Variants in CHD1 observed in about 807,000 individuals in gnomAD.
CHD1 encodes the protein ATP-dependent chromatin remodeler CHD1.
CHD1 carries 36 observed loss-of-function variants against 224.2 expected under a neutral mutation model. The ratio of observed to expected loss-of-function variants is 0.16; its 90% CI spans 0.12 to 0.21. The LOEUF is 0.21. Among genes scored for constraint, CHD1 ranks in the 10% least tolerant of loss-of-function variants. The probability of loss-of-function intolerance (pLI) is 1.00; values close to 1 mark genes in which losing one functional copy is unlikely to be tolerated. For synonymous variants in CHD1, 668 were observed against 658.3 expected (o/e 1.01, Z -0.23); for missense variants, 1,378 against 1,994.8 (o/e 0.69, Z 5.89).
chr5:98,874,521 G>T (rs1055875478), intron 25 of CHD1, among the ~76,000 whole-genome samples: 2 of 137,144 alleles, frequency 1.5e-5, no homozygotes, highest in African/African-American at 5.6e-5. Flanking sequence ...CCAATATGGT[G>T]AAACCCCGTC....
intron 33 of CHD1, 108 bp from the exon 34 acceptor site, chr5:98,859,123 A>T (rs952405485): frequency 1.3e-6 from 1 of 795,176 alleles, no homozygotes; most frequent in Non-Finnish European, 2.0e-6. Flanking sequence ...CACACAAGAT[A>T]TTAGAATGTT....
rs1401470155 is a variant in CHD1 at position 98,869,618 on chromosome 5, G to GCACACACA, written c.4107+135_4107+136insTGTGTGTG. 1.9e-4 allele frequency: 150 copies of GCACACACA among 796,034 alleles called. No homozygotes were observed. In the African/African-American group the frequency reaches 3.2e-3, roughly 17 times the overall value. The allele number at this position is 796,034 out of a possible 1,614,324, so 49.3% of individuals were successfully genotyped here. A position where few individuals can be genotyped will look rare whatever the true frequency, so the allele number is the denominator to read the frequency against. ...GAACTATAAGTGCGTGCGCACGTGC[G>GCACACACA]CGCGCACACACACACACACACACAC... On this transcript the variant is annotated intron_variant, in intron 30 of 35. Coordinates refer to ENST00000614616, the MANE Select transcript of CHD1 (RefSeq NM_001270.4).
intron 1 of CHD1, among the ~76,000 whole-genome samples, chr5:98,926,961 C>T (rs575758825): frequency 1.1e-4 from 17 of 150,000 alleles, no homozygotes; most frequent in African/African-American, 4.1e-4. Context: ...CAAGCCCTCA[C>T]TCCTATCACC....
At chr5:98,873,316 T>TATATCTATGA (rs1419114600) in intron 26 of CHD1, among the ~76,000 whole-genome samples, 1 of 152,190 alleles carries the variant, frequency 6.6e-6, no homozygotes, top group African/African-American at 2.4e-5. Flanking sequence ...TATATACACA[T>TATATCTATGA]ATATCTATGA....
intron 2 of CHD1, among the ~76,000 whole-genome samples, chr5:98,918,564 TC>T (rs1326683645): frequency 6.7e-6 from 1 of 150,202 alleles, no homozygotes; most frequent in Non-Finnish European, 1.5e-5. Context: ...GGTCAGGAGA[TC>T]GAGACTATCC....
Position 98,901,049 on chromosome 5 carries a change from T to C in CHD1, c.621A>G (p.Gly207=), listed in dbSNP as rs1751669723. The part of the protein sequence containing the change: ...SKSKNGKKIL[G]QKKRQIDSSE... ...ATGAATCAATCTGTCTCTTTTTTTG[T>C]CCAAGAATCTTCTTTCCATTTTTTG... Residue 207 remains glycine (G), a synonymous_variant, in exon 7 of 36, where the codon GGA becomes GGG. Coordinates refer to ENST00000614616, the MANE Select transcript of CHD1 (RefSeq NM_001270.4). The C allele has an allele frequency of 4.4e-6, 7 of 1,601,244 alleles. No individual in the cohort carries two copies. In the South Asian group the frequency reaches 5.7e-5, roughly 13 times the overall value.
chr5:98,888,708 A>C (rs1750813010), intron 16 of CHD1, among the ~76,000 whole-genome samples: 2 of 152,236 alleles, frequency 1.3e-5, no homozygotes, highest in African/African-American at 4.8e-5. Flanking sequence ...CAGAAGTACC[A>C]GGAAGGGTTA....
chr5:98,866,037 G>C (rs1288067283), intron 31 of CHD1, among the ~76,000 whole-genome samples: 1 of 152,110 alleles, frequency 6.6e-6, no homozygotes, highest in Non-Finnish European at 1.5e-5. Context: ...CCAGTGAAAA[G>C]TTTAATGTTT....
At chr5:98,865,699 G>A (rs980598875) in intron 31 of CHD1, among the ~76,000 whole-genome samples, 2 of 152,162 alleles carry the variant, frequency 1.3e-5, no homozygotes, top group Non-Finnish European at 2.9e-5. Flanking sequence ...ACCTAGAAAA[G>A]GCCATTGAAT....
rs549889479 is a variant in CHD1, at chr5:98,855,324, AC to A, written c.*1055del. On this transcript the variant is annotated 3_prime_UTR_variant, in exon 36 of 36. Transcript: ENST00000614616. ...TAAAATGTTAACCTGGCTGCATAGCACATTTGACATTATTGCCCACATAAAA... is the reference window on the plus strand; with the variant it reads ...TAAAATGTTAACCTGGCTGCATAGCAATTTGACATTATTGCCCACATAAAA... 1.3e-3 allele frequency: 202 copies of A among 152,744 alleles called. No individual in the cohort carries two copies. The highest frequency in any genetic ancestry group is 4.8e-3 in the African/African-American group (199 of 41,564). The allele number at this position is 152,744 out of a possible 1,614,324, so 9.5% of individuals were successfully genotyped here.
intron 22 of CHD1, 25 bp from the exon 23 acceptor site, chr5:98,879,753 G>C (rs756553487): frequency 6.6e-7 from 1 of 1,511,714 alleles, no homozygotes; most frequent in Non-Finnish European, 8.9e-7. Context: ...AATTTTAAGA[G>C]TAACTGTTAC....
intron 15 of CHD1, among the ~76,000 whole-genome samples, chr5:98,889,564 G>GTTTT (rs1750875523): frequency 6.9e-6 from 1 of 144,362 alleles, no homozygotes; most frequent in Non-Finnish European, 1.5e-5. Flanking sequence ...TACTGCATTA[G>GTTTT]ACAGCTAATG....
chr5:98,869,629 C>CAT (rs1451893788), intron 30 of CHD1, 125 bp downstream of exon 30: 2 of 685,226 alleles, frequency 2.9e-6, no homozygotes, highest in Non-Finnish European at 4.6e-6. Flanking sequence ...CGCGCACACA[C>CAT]ACACACACAC....
chr5:98,883,685 G>C (rs983439846), intron 18 of CHD1, among the ~76,000 whole-genome samples: 1 of 151,454 alleles, frequency 6.6e-6, no homozygotes. Flanking sequence ...ATTTGCAACT[G>C]CAACAATGTG....
At chr5:98,916,566 A>T (rs1281913963) in intron 2 of CHD1, among the ~76,000 whole-genome samples, 1 of 151,612 alleles carries the variant, frequency 6.6e-6, no homozygotes, top group Non-Finnish European at 1.5e-5. Flanking sequence ...AAAAAAAAAA[A>T]AAAAGGTTTA....
intron 32 of CHD1, among the ~76,000 whole-genome samples, chr5:98,862,862 T>C (rs910446836): frequency 4.6e-4 from 70 of 152,310 alleles, no homozygotes; most frequent in African/African-American, 1.6e-3. Flanking sequence ...ATGTAAAAGA[T>C]AGAAGCCAAG....
intron 22 of CHD1, among the ~76,000 whole-genome samples, chr5:98,880,259 C>T (rs551996437): frequency 6.6e-6 from 1 of 152,152 alleles, no homozygotes; most frequent in Non-Finnish European, 1.5e-5. Flanking sequence ...CTATCACAGC[C>T]GGGCGAAGTG....
chr5:98,915,304 G>A (rs956762980), intron 2 of CHD1, among the ~76,000 whole-genome samples: 2 of 152,112 alleles, frequency 1.3e-5, no homozygotes, highest in African/African-American at 4.8e-5. Context: ...ATCAATCCAA[G>A]ACAAAACTGT....
intron 6 of CHD1, 24 bp from the exon 7 acceptor site, chr5:98,901,106 A>G: frequency 2.6e-6 from 4 of 1,566,718 alleles, no homozygotes; most frequent in Non-Finnish European, 3.4e-6. Context: ...AAGAGAAAAA[A>G]AAACAAGATT....
Sources: allele counts gnomAD v4.1 joint callset (sites outside exome capture counted in the v4.1 genomes callset), GRCh38; gene constraint gnomAD v4.1.1; transcripts MANE v1.5; gene names NCBI Gene and HGNC (gene_info 2026-07-23, HGNC 2026-07-21).